Variants in TMEM128 observed in about 807,000 individuals in gnomAD.
TMEM128 encodes transmembrane protein 128.
Under a neutral mutation model 19.7 loss-of-function variants are expected in TMEM128, and 16 were observed. The observed-to-expected ratio is 0.81, with a 90% confidence interval of 0.55 to 1.23. TMEM128 has a LOEUF of 1.23. Ranked by LOEUF, TMEM128 falls within the 50% of genes most tolerant of loss-of-function variation. TMEM128 has a pLI of 0.00. For synonymous variants in TMEM128, 98 were observed against 75.8 expected, an observed-to-expected ratio of 1.29 and a Z score of -1.52; for missense variants, 237 against 200.8, an observed-to-expected ratio of 1.18 and a Z score of -1.09.
At position 4,235,665 on chromosome 4, in the gene TMEM128, T is replaced by A. The variant is rs555270172; in HGVS notation, c.*601A>T. The A allele has an allele frequency of 6.5e-6, 1 of 152,758 alleles. No homozygotes were observed. The highest frequency in any genetic ancestry group is 1.5e-5 in the Non-Finnish European group (1 of 68,032). 9.5% of individuals were successfully genotyped at this position (152,758 alleles called of 1,614,324 possible). A position where few individuals can be genotyped will look rare whatever the true frequency, so the allele number is the denominator to read the frequency against. The stretch of plus-strand genomic sequence containing the variant: ...TACATAATGATAAAATCTAAAGTGA[T>A]GAGAAAACATAAAATATTTTCATTT... On this transcript the variant is annotated 3_prime_UTR_variant, in exon 5 of 5. Transcript: ENST00000382753.
At position 4,248,096 on chromosome 4, in the gene TMEM128, C is replaced by T. The variant is rs530770920; in HGVS notation, c.97+10G>A. On this transcript the variant is annotated intron_variant, in intron 1 of 4. Coordinates refer to ENST00000382753, the MANE Select transcript of TMEM128 (RefSeq NM_001297551.2). ...CTGAGAACCTCGGGGCGGCTTGGTG[C>T]GCGCCTCACCCGGCCCGGCGTCACC... 6 of 1,535,038 alleles carry T rather than the reference C, an allele frequency of 3.9e-6. No individual in the cohort carries two copies. In the Admixed American group the frequency reaches 9.9e-5, roughly 25 times the overall value.
rs1451209494 is a variant in TMEM128, at chr4:4,236,089, G to C, written c.*177C>G. The stretch of plus-strand genomic sequence containing the variant: ...CACTGTAGCTTTTCTGTTAGGGTCT[G>C]CCATGCTTTCAGCTAGCTGGATGTT... On this transcript the variant is annotated 3_prime_UTR_variant, in exon 5 of 5. Transcript: ENST00000382753. 5 of 152,140 alleles carry C rather than the reference G, an allele frequency of 3.3e-5. No homozygotes were observed. The highest frequency in any genetic ancestry group is 7.3e-5 in the Non-Finnish European group (5 of 68,030). 9.4% of individuals were successfully genotyped at this position (152,140 alleles called of 1,614,324 possible).
chr4:4,248,168 C>A lies in TMEM128; in HGVS notation c.35G>T (p.Arg12Leu), dbSNP rs1326001191. 1.3e-6 allele frequency: 2 copies of A among 1,532,824 alleles called. No individual in the cohort carries two copies. Among genetic ancestry groups the A allele is most frequent in the Admixed American group, 4.0e-5 (2 of 50,314 alleles). The allele number at this position is 1,532,824 out of a possible 1,614,324, so 95.0% of individuals were successfully genotyped here. ...DSSRARQQLRRRFLLLPDAEA... is the reference protein window; with the variant it reads ...DSSRARQQLRLRFLLLPDAEA... Reference sequence around the variant, plus strand: ...GGCGTCCGGCAGGAGGAGGAATCGCCGCCGGAGCTGCTGCCGGGCCCGCGA... The same window carrying A: ...GGCGTCCGGCAGGAGGAGGAATCGCAGCCGGAGCTGCTGCCGGGCCCGCGA... Residue 12 changes from arginine to leucine, a missense_variant, in exon 1 of 5, where the codon CGG becomes CTG. Coordinates refer to ENST00000382753, the MANE Select transcript of TMEM128 (RefSeq NM_001297551.2).
At chr4:4,239,006 C>T (rs1234671164) in intron 3 of TMEM128, among the ~76,000 whole-genome samples, 16 of 152,106 alleles carry the variant, frequency 1.1e-4, no homozygotes, top group Middle Eastern at 3.4e-3. Flanking sequence ...CACTGCACTC[C>T]GGCCTGGGTG....
Position 4,248,102 on chromosome 4 carries a change from T to G in TMEM128, c.97+4A>C, listed in dbSNP as rs1718275764. 6.5e-7 allele frequency: 1 copy of G among 1,535,196 alleles called. No homozygotes were observed. The highest frequency in any genetic ancestry group is 1.4e-5 in the African/African-American group (1 of 72,248). On this transcript the variant is annotated splice_donor_region_variant and intron_variant, in intron 1 of 4. Coordinates refer to ENST00000382753, the MANE Select transcript of TMEM128 (RefSeq NM_001297551.2). Reference sequence around the variant, plus strand: ...ACCTCGGGGCGGCTTGGTGCGCGCCTCACCCGGCCCGGCGTCACCCTCGCG... The same window carrying G: ...ACCTCGGGGCGGCTTGGTGCGCGCCGCACCCGGCCCGGCGTCACCCTCGCG...
At chr4:4,241,528 AAG>A (rs1717956347) in intron 2 of TMEM128, among the ~76,000 whole-genome samples, 1 of 152,210 alleles carries the variant, frequency 6.6e-6, no homozygotes, top group African/African-American at 2.4e-5. Context: ...ATCCATGTGG[AAG>A]AGAGAGGGAG....
intron 2 of TMEM128, among the ~76,000 whole-genome samples, chr4:4,245,101 C>G (rs1241823761): frequency 6.6e-6 from 1 of 152,112 alleles, no homozygotes; most frequent in Non-Finnish European, 1.5e-5. Context: ...CTTCCTACCC[C>G]CACTGGTACT....
chr4:4,244,658 A>G (rs1718095080), intron 2 of TMEM128, among the ~76,000 whole-genome samples: 1 of 73,838 alleles, frequency 1.4e-5, no homozygotes, highest in Non-Finnish European at 3.6e-5. Context: ...ACACCCAGAA[A>G]CAGCCTTACC....
rs1717895379 is a variant in TMEM128 at position 4,240,315 on chromosome 4, A to C, written c.398+6T>G. On this transcript the variant is annotated splice_donor_region_variant and intron_variant, in intron 3 of 4. Coordinates refer to ENST00000382753, the MANE Select transcript of TMEM128 (RefSeq NM_001297551.2). ...ATTCCTGTTAGTCATTTCAAAGTTA[A>C]CTTACCAAATTCCTGCTGCAATAAA... The C allele has an allele frequency of 1.2e-6, 2 of 1,613,520 alleles. No individual in the cohort carries two copies. Among genetic ancestry groups the C allele is most frequent in the South Asian group, 1.1e-5 (1 of 90,978 alleles).
chr4:4,243,000 G>A (rs1488493106), intron 2 of TMEM128, among the ~76,000 whole-genome samples: 1 of 152,160 alleles, frequency 6.6e-6, no homozygotes, highest in Non-Finnish European at 1.5e-5. Flanking sequence ...TAACTCCACT[G>A]TTGATTTTGA....
chr4:4,240,407 T>A lies in TMEM128; in HGVS notation c.312A>T (p.Glu104Asp), dbSNP rs1190731598. 1 of 1,614,028 alleles carries A rather than the reference T, an allele frequency of 6.2e-7. No homozygotes were observed. The highest frequency in any genetic ancestry group is 8.5e-7 in the Non-Finnish European group (1 of 1,179,990). Residue 104 changes from glutamate to aspartate, a missense_variant, in exon 3 of 5, where the codon GAA becomes GAT. Coordinates refer to ENST00000382753, the MANE Select transcript of TMEM128 (RefSeq NM_001297551.2). ...SIAFYCIVYL[E>D]WYCGIGEYDV... ...CATATTCTCCAATTCCACAATACCA[T>A]TCCAGGTAGACTATGCAGTAAAATG... is the stretch of plus-strand genomic sequence containing the variant.
rs772583191 is a variant in TMEM128, at chr4:4,247,632, G to A, written c.97+474C>T. 5.6e-6 allele frequency: 9 copies of A among 1,614,216 alleles called. No individual in the cohort carries two copies. In the Admixed American group the frequency reaches 1.0e-4, roughly 18 times the overall value. The stretch of plus-strand genomic sequence containing the variant: ...TGTACCCAAATGGCGGCATACCATA[G>A]TGTTCCACACTTCCCTTTGAAAATC... On this transcript the variant is annotated intron_variant, in intron 1 of 4. Transcript: ENST00000382753.
intron 1 of TMEM128, chr4:4,247,805 A>C: frequency 6.9e-7 from 1 of 1,447,340 alleles, no homozygotes; most frequent in East Asian, 2.5e-5. Context: ...TGCGCACATC[A>C]TTGTACACTG....
chr4:4,242,019 A>C (rs979564270), intron 2 of TMEM128, among the ~76,000 whole-genome samples: 4 of 152,228 alleles, frequency 2.6e-5, no homozygotes, highest in Non-Finnish European at 4.4e-5. Context: ...CTCCTGCCTC[A>C]GCCTCCCAAG....
chr4:4,239,131 T>C (rs374066430), intron 3 of TMEM128, among the ~76,000 whole-genome samples: 19 of 152,338 alleles, frequency 1.2e-4, no homozygotes, highest in African/African-American at 4.1e-4. Context: ...GGTTGAATCA[T>C]AGGATATATT....
At chr4:4,245,739 G>A (rs968846703) in intron 2 of TMEM128, among the ~76,000 whole-genome samples, 8 of 152,036 alleles carry the variant, frequency 5.3e-5, no homozygotes, top group African/African-American at 1.9e-4. Flanking sequence ...AAGGTATACA[G>A]TGTGATGACT....
At chr4:4,246,164 AC>A in intron 2 of TMEM128, 37 bp downstream of exon 2, 1 of 1,570,940 alleles carries the variant, frequency 6.4e-7, no homozygotes, top group Non-Finnish European at 8.6e-7. Flanking sequence ...GAAAAATCAG[AC>A]TTGGGTTTAA....
chr4:4,236,099 C>T lies in TMEM128; in HGVS notation c.*167G>A, dbSNP rs945972322. 9.9e-5 allele frequency: 15 copies of T among 152,162 alleles called. No homozygotes were observed. The highest frequency in any genetic ancestry group is 9.8e-4 in the Admixed American group (15 of 15,274). 9.4% of individuals were successfully genotyped at this position (152,162 alleles called of 1,614,324 possible). On this transcript the variant is annotated 3_prime_UTR_variant, in exon 5 of 5. Transcript: ENST00000382753. Reference sequence around the variant, plus strand: ...TTTCTGTTAGGGTCTGCCATGCTTTCAGCTAGCTGGATGTTTAACCATTCA... The same window carrying T: ...TTTCTGTTAGGGTCTGCCATGCTTTTAGCTAGCTGGATGTTTAACCATTCA...
intron 2 of TMEM128, among the ~76,000 whole-genome samples, chr4:4,241,410 C>G (rs556007641): frequency 2.0e-5 from 3 of 152,202 alleles, no homozygotes; most frequent in Admixed American, 2.0e-4. Flanking sequence ...CCTGGACAAC[C>G]CCTTCCCTCC....
Sources: allele counts gnomAD v4.1 joint callset (sites outside exome capture counted in the v4.1 genomes callset), GRCh38; gene constraint gnomAD v4.1.1; transcripts MANE v1.5; gene names NCBI Gene and HGNC (gene_info 2026-07-23, HGNC 2026-07-21).